KCNJ6: variants seen among roughly 807,000 people sequenced by gnomAD.
KCNJ6 encodes the protein potassium inwardly rectifying channel subfamily J member 6, also known as G protein-activated inward rectifier potassium channel 2.
A neutral mutation model predicts 34.2 loss-of-function variants in KCNJ6; 9 were observed. The ratio of observed to expected loss-of-function variants is 0.26; its 90% CI spans 0.16 to 0.46. The LOEUF is 0.46. Among genes scored for constraint, KCNJ6 ranks in the 20% least tolerant of loss-of-function variants. The pLI is 1.00. For missense variants in KCNJ6, 236 were observed against 531.3 expected, an observed-to-expected ratio of 0.44 and a Z score of 5.46; for synonymous variants, 196 against 207.1, an observed-to-expected ratio of 0.95 and a Z score of 0.46.
chr21:37,744,094 T>C (rs1406781557), intron 2 of KCNJ6, among the ~76,000 whole-genome samples: 2 of 134,280 alleles, frequency 1.5e-5, no homozygotes, highest in South Asian at 2.3e-4. Context: ...TTCTCACTCA[T>C]AGGTGGGAAT....
At chr21:37,638,066 C>T (rs1366904523) in intron 3 of KCNJ6, among the ~76,000 whole-genome samples, 11 of 152,192 alleles carry the variant, frequency 7.2e-5, no homozygotes, top group Non-Finnish European at 1.3e-4. Context: ...TTTAGGAGGC[C>T]AAGCTCCAGA....
intron 3 of KCNJ6, among the ~76,000 whole-genome samples, chr21:37,664,176 A>C (rs1787395): frequency 0.58 from 87,209 of 151,348 alleles, 25,337 homozygotes; most frequent in East Asian, 0.84. Flanking sequence ...AGAATAAAAA[A>C]CTACATATAA....
intron 2 of KCNJ6, among the ~76,000 whole-genome samples, chr21:37,812,978 C>T (rs961682123): frequency 1.3e-5 from 2 of 152,088 alleles, no homozygotes; most frequent in Admixed American, 6.6e-5. Flanking sequence ...TCAAATTGTC[C>T]TTGTTTGCAG....
chr21:37,903,742 AC>A (rs5843879), intron 1 of KCNJ6, among the ~76,000 whole-genome samples: 25,073 of 150,346 alleles, frequency 0.17, 2,240 homozygotes, highest in East Asian at 0.3. Flanking sequence ...ACAAAACAAA[AC>A]AAAAAAAAAC....
intron 1 of KCNJ6, among the ~76,000 whole-genome samples, chr21:37,863,633 G>A (rs910344469): frequency 2.2e-4 from 33 of 152,008 alleles, no homozygotes; most frequent in Admixed American, 4.6e-4. Flanking sequence ...ATTAAAATAG[G>A]TTTCCACAGG....
intron 2 of KCNJ6, among the ~76,000 whole-genome samples, chr21:37,824,156 G>A (rs975417410): frequency 1.6e-4 from 24 of 152,174 alleles, no homozygotes; most frequent in African/African-American, 5.8e-4. Context: ...CACAAAAAAT[G>A]CATATTTTTG....
chr21:37,675,406 C>A lies in KCNJ6; in HGVS notation c.946+38805G>T, dbSNP rs1351799916. ...AGCCGACGCACCGCTAGGTGGCGCA[C>A]GCGCTCGCTGCGTCTTTCAGGGCTG... On this transcript the variant is annotated intron_variant, in intron 3 of 3. Coordinates refer to ENST00000609713, the MANE Select transcript of KCNJ6 (RefSeq NM_002240.5). The surrounding 1 kb of genome is among the most constrained non-coding windows in gnomAD (Gnocchi z 4.2). Among the ~76,000 whole-genome samples the A allele has an allele frequency of 6.6e-6, 1 of 152,050 alleles. No homozygotes were observed. Among genetic ancestry groups the A allele is most frequent in the African/African-American group, 2.4e-5 (1 of 41,408 alleles).
rs183132624 is a variant in KCNJ6, at chr21:37,820,489, C to A, written c.25+20169G>T. ...TTACTATGGATTTGCTGTGTGTCTG[C>A]CATTTTGCACTGCATTTGGATGACA... On this transcript the variant is annotated intron_variant, in intron 2 of 3. Coordinates refer to ENST00000609713, the MANE Select transcript of KCNJ6 (RefSeq NM_002240.5). Among the ~76,000 whole-genome samples, 499 of 152,258 alleles carry A rather than the reference C, an allele frequency of 3.3e-3. 3 individuals carry two copies. The highest frequency in any genetic ancestry group is 5.6e-3 in the Non-Finnish European group (379 of 68,028).
intron 1 of KCNJ6, among the ~76,000 whole-genome samples, chr21:37,848,040 C>G (rs1250100019): frequency 6.6e-6 from 1 of 152,160 alleles, no homozygotes; most frequent in African/African-American, 2.4e-5. Flanking sequence ...AGAAGAAGAG[C>G]AGGAGGCTGG....
chr21:37,773,188 A>T (rs1243910858), intron 2 of KCNJ6, among the ~76,000 whole-genome samples: 1 of 152,062 alleles, frequency 6.6e-6, no homozygotes, highest in African/African-American at 2.4e-5. Context: ...CTACCTAGAT[A>T]GGTTGCCCAC....
chr21:37,735,951 T>C (rs761148411), intron 2 of KCNJ6, among the ~76,000 whole-genome samples: 1 of 152,116 alleles, frequency 6.6e-6, no homozygotes. Context: ...GGGAAGCACA[T>C]GGGGTCAGCA....
intron 3 of KCNJ6, among the ~76,000 whole-genome samples, chr21:37,676,448 A>G (rs2054565193): frequency 6.6e-6 from 1 of 152,228 alleles, no homozygotes; most frequent in Non-Finnish European, 1.5e-5. Flanking sequence ...ATGTTGGGTG[A>G]AGCAATGAAG....
chr21:37,849,002 A>C (rs1456690652), intron 1 of KCNJ6, among the ~76,000 whole-genome samples: 1 of 152,224 alleles, frequency 6.6e-6, no homozygotes, highest in Admixed American at 6.5e-5. Context: ...GAGCTCCTGG[A>C]AATATTGTAA....
At position 37,613,287 on chromosome 21, in the gene KCNJ6, C is replaced by A. The variant is rs747020463; in HGVS notation, c.*11872G>T. The A allele has an allele frequency of 6.6e-6, 1 of 152,204 alleles. No homozygotes were observed. The highest frequency in any genetic ancestry group is 1.5e-5 in the Non-Finnish European group (1 of 68,028). 9.4% of individuals were successfully genotyped at this position (152,204 alleles called of 1,614,324 possible). ...GCCCAAATGCAGATCATTGACAACA[C>A]TAAATGCTGGTGAAGATATGGAGCA... On this transcript the variant is annotated 3_prime_UTR_variant, in exon 4 of 4. Transcript: ENST00000609713.
At chr21:37,716,394 T>C (rs894859805) in intron 2 of KCNJ6, among the ~76,000 whole-genome samples, 1 of 151,696 alleles carries the variant, frequency 6.6e-6, no homozygotes, top group Non-Finnish European at 1.5e-5. Flanking sequence ...TTTTTTTTTT[T>C]TTAGAGATAG....
chr21:37,738,505 G>A (rs1301017658), intron 2 of KCNJ6, among the ~76,000 whole-genome samples: 1 of 152,164 alleles, frequency 6.6e-6, no homozygotes, highest in Non-Finnish European at 1.5e-5. Flanking sequence ...CTTTTTTAGG[G>A]AAAAGTAGAA....
chr21:37,845,331 T>C (rs985371158), intron 1 of KCNJ6, among the ~76,000 whole-genome samples: 3 of 152,202 alleles, frequency 2.0e-5, no homozygotes, highest in Non-Finnish European at 2.9e-5. Flanking sequence ...TACTTTGGCC[T>C]GAAAATTTTT....
chr21:37,893,242 C>T (rs2055771388), intron 1 of KCNJ6, among the ~76,000 whole-genome samples: 1 of 151,842 alleles, frequency 6.6e-6, no homozygotes, highest in Admixed American at 6.6e-5. Flanking sequence ...GAGTCTCACG[C>T]CATCTCCCAG....
At chr21:37,802,116 AGAAGGATATAGCATGGCGGGGGT>A (rs2055272134) in intron 2 of KCNJ6, among the ~76,000 whole-genome samples, 1 of 152,152 alleles carries the variant, frequency 6.6e-6, no homozygotes, top group Non-Finnish European at 1.5e-5. Flanking sequence ...ACCTATGATG[AGAAGGATATAGCATGGCGGGGGT>A]GAAGGATCCA....
Sources: gnomAD v4.1 joint callset for allele counts (sites outside exome capture counted in the v4.1 genomes callset) on GRCh38, gnomAD v4.1.1 for gene constraint, Gnocchi (gnomAD v3.1) non-coding constraint, MANE v1.5 for transcripts, NCBI Gene and HGNC (gene_info 2026-07-23, HGNC 2026-07-21) for gene names.